Variants in ADARB2 observed in about 807,000 individuals in gnomAD.
The protein encoded by ADARB2 is inactive double-stranded RNA-specific editase B2.
In ADARB2, 25 loss-of-function variants were observed where a neutral mutation model predicts 62.2. The observed-to-expected ratio is 0.40, with a 90% CI of 0.29 to 0.56. The LOEUF (loss-of-function observed/expected upper bound fraction) is 0.56, where lower values mean the gene tolerates loss of function less well. Ranked by LOEUF, ADARB2 falls within the 20% of genes least tolerant of loss-of-function variation. The pLI, the probability that ADARB2 is intolerant of heterozygous loss-of-function variation, is 0.43. For synonymous variants in ADARB2, 572 were observed against 500.8 expected (o/e 1.14, Z -1.90); for missense variants, 1,071 against 1,077.4 (o/e 0.99, Z 0.08).
rs184167381 is a variant in ADARB2, at chr10:1,353,622, C to T, written c.1077+9406G>A. Among the ~76,000 whole-genome samples, 120 of 152,206 alleles carry T rather than the reference C, an allele frequency of 7.9e-4. 1 individual carries two copies. Among genetic ancestry groups the T allele is most frequent in the Non-Finnish European group, 1.3e-3 (88 of 68,008 alleles). ...ACTCCGCCCATATTTGGACCTCTCA[C>T]GACACAAACTACTATTCCTGTGGCC... On this transcript the variant is annotated intron_variant, in intron 3 of 9. Coordinates refer to ENST00000381312, the MANE Select transcript of ADARB2 (RefSeq NM_018702.4).
chr10:1,331,178 C>A (rs866251563), intron 3 of ADARB2, among the ~76,000 whole-genome samples: 2 of 152,252 alleles, frequency 1.3e-5, no homozygotes, highest in South Asian at 4.1e-4. Context: ...TGATGGGATT[C>A]AAAATGATGC....
intron 1 of ADARB2, among the ~76,000 whole-genome samples, chr10:1,544,026 A>AC (rs75217865): frequency 0.066 from 9,816 of 148,070 alleles, 416 homozygotes; most frequent in East Asian, 0.16. Flanking sequence ...AACAAAAAAA[A>AC]AAACACACAA....
chr10:1,657,001 TTGTGTG>T (rs58944098), intron 1 of ADARB2, among the ~76,000 whole-genome samples: 2 of 148,712 alleles, frequency 1.3e-5, no homozygotes, highest in Non-Finnish European at 1.5e-5. Flanking sequence ...ATCTAGTGTT[TTGTGTG>T]TGTGTGTGTG....
intron 8 of ADARB2, among the ~76,000 whole-genome samples, chr10:1,190,941 C>T (rs1442297270): frequency 6.6e-6 from 1 of 152,250 alleles, no homozygotes; most frequent in Admixed American, 6.5e-5. Flanking sequence ...ACGGAGTGAG[C>T]AGCGCTCTTC....
intron 1 of ADARB2, among the ~76,000 whole-genome samples, chr10:1,451,787 C>T (rs747943553): frequency 1.3e-5 from 2 of 152,104 alleles, no homozygotes; most frequent in East Asian, 1.9e-4. Context: ...GGAAGTACAC[C>T]GAACATACTT....
intron 4 of ADARB2, among the ~76,000 whole-genome samples, chr10:1,267,835 G>A (rs537361727): frequency 3.3e-5 from 5 of 152,310 alleles, no homozygotes; most frequent in African/African-American, 1.2e-4. Context: ...GCTTGGCTCT[G>A]TAGTGGGAAT....
chr10:1,649,335 A>T (rs7909252), intron 1 of ADARB2, among the ~76,000 whole-genome samples: 143,133 of 152,308 alleles, frequency 0.94, 67,443 homozygotes, highest in Non-Finnish European at 0.98. Flanking sequence ...TTGTGACTCT[A>T]CATGTGCAAT....
chr10:1,538,974 T>A (rs1832372310), intron 1 of ADARB2, among the ~76,000 whole-genome samples: 2 of 152,168 alleles, frequency 1.3e-5, no homozygotes, highest in Non-Finnish European at 2.9e-5. Flanking sequence ...GGCGTCATTC[T>A]CACGACAGGT....
At chr10:1,629,815 T>G (rs1833820106) in intron 1 of ADARB2, among the ~76,000 whole-genome samples, 1 of 152,054 alleles carries the variant, frequency 6.6e-6, no homozygotes, top group Non-Finnish European at 1.5e-5. Context: ...GCCTTGCACA[T>G]GCCATTCCGA....
intron 3 of ADARB2, among the ~76,000 whole-genome samples, chr10:1,340,027 C>A (rs962105328): frequency 4.6e-5 from 7 of 152,106 alleles, no homozygotes; most frequent in Non-Finnish European, 7.4e-5. Flanking sequence ...TGCTGTGGCC[C>A]CAGACAGCCT....
intron 4 of ADARB2, among the ~76,000 whole-genome samples, chr10:1,251,330 T>C (rs936859501): frequency 6.6e-6 from 1 of 152,168 alleles, no homozygotes; most frequent in Non-Finnish European, 1.5e-5. Context: ...ATCTGAAAAG[T>C]CTACATATTA....
intron 4 of ADARB2, among the ~76,000 whole-genome samples, chr10:1,262,746 A>G (rs1437996048): frequency 2.0e-5 from 3 of 152,228 alleles, no homozygotes; most frequent in African/African-American, 7.2e-5. Flanking sequence ...ATCTAGAACT[A>G]GAAATACCAT....
intron 1 of ADARB2, among the ~76,000 whole-genome samples, chr10:1,540,239 G>C (rs983316045): frequency 6.6e-6 from 1 of 151,960 alleles, no homozygotes; most frequent in Non-Finnish European, 1.5e-5. Flanking sequence ...CCTGAGATGA[G>C]CAAGTCCACA....
chr10:1,396,752 TGCAGGCTTCCTGGGTCACTGTCCTC>T (rs1832618804), intron 1 of ADARB2, among the ~76,000 whole-genome samples: 1 of 57,650 alleles, frequency 1.7e-5, no homozygotes, highest in Non-Finnish European at 3.3e-5. Context: ...CCCTCCCGAG[TGCAGGCTTCCTGGGTCACTGTCCTC>T]CTCTCCCCTC....
intron 4 of ADARB2, among the ~76,000 whole-genome samples, chr10:1,260,269 C>G (rs1166556272): frequency 6.6e-6 from 1 of 152,180 alleles, no homozygotes; most frequent in Non-Finnish European, 1.5e-5. Context: ...TCTCACCACT[C>G]CTATTCAACA....
intron 1 of ADARB2, among the ~76,000 whole-genome samples, chr10:1,482,585 G>A (rs887781667): frequency 6.6e-6 from 1 of 152,216 alleles, no homozygotes; most frequent in Non-Finnish European, 1.5e-5. Flanking sequence ...GGTTCTATGG[G>A]TGGATGGTGA....
At chr10:1,382,382 A>C (rs536471948) in intron 1 of ADARB2, among the ~76,000 whole-genome samples, 20 of 152,354 alleles carry the variant, frequency 1.3e-4, no homozygotes, top group Non-Finnish European at 2.6e-4. Context: ...TATGATCTGC[A>C]ATCACCGTGA....
intron 1 of ADARB2, among the ~76,000 whole-genome samples, chr10:1,664,097 T>C (rs1023756251): frequency 2.6e-5 from 4 of 152,210 alleles, no homozygotes; most frequent in African/African-American, 9.6e-5. Context: ...TGTGGGTCAG[T>C]GTGCGGGTTT....
At chr10:1,571,667 T>A (rs1199668660) in intron 1 of ADARB2, among the ~76,000 whole-genome samples, 1 of 150,294 alleles carries the variant, frequency 6.7e-6, no homozygotes, top group African/African-American at 2.5e-5. Flanking sequence ...GACAGGTGAG[T>A]GTGCAGGTGA....
Sources: allele counts gnomAD v4.1 joint callset (sites outside exome capture counted in the v4.1 genomes callset), GRCh38; gene constraint gnomAD v4.1.1; transcripts MANE v1.5; gene names NCBI Gene and HGNC (gene_info 2026-07-23, HGNC 2026-07-21).